Variants in LRP6 observed in about 807,000 individuals in gnomAD.
LRP6 encodes the protein LDL receptor related protein 6.
In LRP6, 43 loss-of-function variants were observed where a neutral mutation model predicts 184.1. The ratio of observed to expected loss-of-function variants is 0.23; its 90% CI spans 0.18 to 0.30. The LOEUF (loss-of-function observed/expected upper bound fraction) is 0.30, where lower values mean the gene tolerates loss of function less well. Among genes scored for constraint, LRP6 ranks in the 10% least tolerant of loss-of-function variants. The pLI, the probability that LRP6 is intolerant of heterozygous loss-of-function variation, is 1.00. For synonymous variants in LRP6, 719 were observed against 684.9 expected, an observed-to-expected ratio of 1.05 and a Z score of -0.78; for missense variants, 1,571 against 2,005.3, an observed-to-expected ratio of 0.78 and a Z score of 4.14.
intron 13 of LRP6, among the ~76,000 whole-genome samples, chr12:12,149,426 G>A (rs1950051240): frequency 6.6e-6 from 1 of 152,144 alleles, no homozygotes; most frequent in South Asian, 2.1e-4. Flanking sequence ...ATTAAGAGAT[G>A]GGAGTGAGAA....
At chr12:12,161,283 T>C (rs63451661) in intron 10 of LRP6, among the ~76,000 whole-genome samples, 307 of 152,288 alleles carry the variant, frequency 2.0e-3, no homozygotes, top group Non-Finnish European at 3.5e-3. Context: ...TTTTTTTTTT[T>C]CCAAGATGGA....
chr12:12,218,977 G>A (rs1051157605), intron 2 of LRP6, among the ~76,000 whole-genome samples: 10 of 152,086 alleles, frequency 6.6e-5, no homozygotes, highest in South Asian at 4.1e-4. Flanking sequence ...GGTTGCTCAC[G>A]CCTGTAATCC....
chr12:12,124,867 CAA>C (rs1162607940), intron 21 of LRP6, among the ~76,000 whole-genome samples: 2 of 152,054 alleles, frequency 1.3e-5, no homozygotes, highest in Non-Finnish European at 2.9e-5. Context: ...CTAAAAAGTG[CAA>C]AGTGACAAAA....
intron 1 of LRP6, among the ~76,000 whole-genome samples, chr12:12,253,579 C>T (rs1363134780): frequency 7.4e-6 from 1 of 135,250 alleles, no homozygotes; most frequent in Non-Finnish European, 1.6e-5. Flanking sequence ...CCCCCCTCCC[C>T]CCACCCCACA....
intron 3 of LRP6, chr12:12,187,358 C>A (rs979881065): frequency 3.8e-6 from 2 of 526,044 alleles, no homozygotes; most frequent in Non-Finnish European, 6.8e-6. Flanking sequence ...TTGGCAGCAG[C>A]CTCAAGTTCA....
At chr12:12,137,890 T>G (rs1344409452) in intron 16 of LRP6, among the ~76,000 whole-genome samples, 2 of 151,936 alleles carry the variant, frequency 1.3e-5, no homozygotes, top group African/African-American at 4.8e-5. Flanking sequence ...AGGCTGGGTG[T>G]GGTGGATCAC....
intron 12 of LRP6, among the ~76,000 whole-genome samples, chr12:12,158,004 C>T (rs1206389468): frequency 2.0e-5 from 3 of 152,160 alleles, no homozygotes; most frequent in Admixed American, 6.5e-5. Flanking sequence ...AGATTCAGGA[C>T]CAAATGAAAA....
chr12:12,180,045 A>C lies in LRP6; in HGVS notation c.1374-64T>G. ...TAAAATGTAACTTTCAGATATTCTA[A>C]AGGTGAGATCCATCCCTCCTATTAC... is the stretch of plus-strand genomic sequence containing the variant. On this transcript the variant is annotated intron_variant, in intron 6 of 22. Transcript: ENST00000261349. 8.0e-6 allele frequency: 11 copies of C among 1,372,870 alleles called. No homozygotes were observed. In the South Asian group the frequency reaches 9.4e-5, roughly 12 times the overall value. 85.0% of individuals were successfully genotyped at this position (1,372,870 alleles called of 1,614,324 possible).
intron 2 of LRP6, among the ~76,000 whole-genome samples, chr12:12,204,577 G>T (rs1349220695): frequency 1.3e-5 from 2 of 151,962 alleles, no homozygotes; most frequent in Non-Finnish European, 2.9e-5. Flanking sequence ...TAAAAAATGA[G>T]AAGTCTAAAA....
chr12:12,159,254 A>G, intron 11 of LRP6, 99 bp from the exon 12 acceptor site: 5 of 837,356 alleles, frequency 6.0e-6, no homozygotes, highest in Non-Finnish European at 9.7e-6. Flanking sequence ...AAGCCCTAAC[A>G]TATAAAACAT....
intron 2 of LRP6, among the ~76,000 whole-genome samples, chr12:12,226,521 T>A (rs79824874): frequency 6.6e-6 from 1 of 152,166 alleles, no homozygotes; most frequent in Non-Finnish European, 1.5e-5. Flanking sequence ...AAAAACACTA[T>A]AACATAAATG....
At chr12:12,243,628 C>T (rs1865115750) in intron 2 of LRP6, among the ~76,000 whole-genome samples, 1 of 152,150 alleles carries the variant, frequency 6.6e-6, no homozygotes. Flanking sequence ...AAGAACACAA[C>T]ACACTGGGCA....
chr12:12,217,638 C>A (rs945631964), intron 2 of LRP6, among the ~76,000 whole-genome samples: 2 of 152,018 alleles, frequency 1.3e-5, no homozygotes, highest in African/African-American at 4.8e-5. Context: ...GCTAAACATA[C>A]TACAAAGCCA....
At chr12:12,186,360 C>T (rs1265413327) in intron 4 of LRP6, among the ~76,000 whole-genome samples, 1 of 152,128 alleles carries the variant, frequency 6.6e-6, no homozygotes, top group African/African-American at 2.4e-5. Context: ...AGGCTATTGC[C>T]TAACCTGAAT....
At chr12:12,266,054 G>A (rs1469996844) in intron 1 of LRP6, among the ~76,000 whole-genome samples, 1 of 152,116 alleles carries the variant, frequency 6.6e-6, no homozygotes, top group Non-Finnish European at 1.5e-5. Context: ...CAAGGGCAAT[G>A]TTTTATTTTA....
intron 2 of LRP6, among the ~76,000 whole-genome samples, chr12:12,222,522 G>A (rs549491584): frequency 5.1e-4 from 76 of 150,246 alleles, no homozygotes; most frequent in African/African-American, 1.6e-3. Flanking sequence ...AGCCAAGATC[G>A]CGCCATTGCA....
chr12:12,249,244 C>T, intron 1 of LRP6: 1 of 919,260 alleles, frequency 1.1e-6, no homozygotes, highest in Non-Finnish European at 1.8e-6. Flanking sequence ...AGATTTGTAA[C>T]AAAAAATTAA....
chr12:12,261,644 CTT>C (rs747004912), intron 1 of LRP6, among the ~76,000 whole-genome samples: 6 of 152,142 alleles, frequency 3.9e-5, no homozygotes, highest in Non-Finnish European at 8.8e-5. Flanking sequence ...AAACCGGTCT[CTT>C]TACCTCAGGA....
At position 12,126,651 on chromosome 12, in the gene LRP6, G is replaced by A. The variant is rs758651962; in HGVS notation, c.4312+40C>T. The A allele has an allele frequency of 7.3e-6, 11 of 1,501,534 alleles. No homozygotes were observed. The East Asian group carries it at 2.0e-4, about 28-fold the overall frequency. 93.0% of individuals were successfully genotyped at this position (1,501,534 alleles called of 1,614,324 possible). On this transcript the variant is annotated intron_variant, in intron 20 of 22. Transcript: ENST00000261349. ...ACAATGGAAACTGGCAGTCTTGCAG[G>A]ACCAAAGACTTGATTCTCAATGGAT...
Sources: gnomAD v4.1 joint callset for allele counts (sites outside exome capture counted in the v4.1 genomes callset) on GRCh38, gnomAD v4.1.1 for gene constraint, MANE v1.5 for transcripts, NCBI Gene and HGNC (gene_info 2026-07-23, HGNC 2026-07-21) for gene names.